RPE: variants seen among roughly 807,000 people sequenced by gnomAD.
RPE encodes the protein ribulose-phosphate 3-epimerase.
RPE carries 16 observed loss-of-function variants against 24.6 expected under a neutral mutation model. The ratio of observed to expected loss-of-function variants is 0.65; its 90% confidence interval spans 0.44 to 0.99. The LOEUF is 0.99. Ranked by LOEUF, RPE falls within the 50% of genes least tolerant of loss-of-function variation. The pLI, the probability that RPE is intolerant of heterozygous loss-of-function variation, is 0.00. For synonymous variants in RPE, 93 were observed against 98.4 expected (o/e 0.94, Z 0.33); for missense variants, 240 against 294.5 (o/e 0.81, Z 1.35).
Position 210,002,802 on chromosome 2 carries a change from G to T in RPE, c.122+19G>T, listed in dbSNP as rs772785306. The T allele has an allele frequency of 6.2e-7, 1 of 1,614,084 alleles. No homozygotes were observed. Among genetic ancestry groups the T allele is most frequent in the Non-Finnish European group, 8.5e-7 (1 of 1,179,998 alleles). ...TGGACGGGTAACTCCTCCGGGCTCC[G>T]GTCGGGCTTGCCGCGCGGCGGGGCG... On this transcript the variant is annotated intron_variant, in intron 1 of 5. Coordinates refer to ENST00000359429, the MANE Select transcript of RPE (RefSeq NM_199229.3).
In RPE at chr2:210,019,803, G is replaced by A. The variant is rs760155889; in HGVS notation, c.*12G>A. On this transcript the variant is annotated 3_prime_UTR_variant, in exon 6 of 6. Transcript: ENST00000359429. Reference sequence around the variant, plus strand: ...CTCTTGATCGGTGAAACCATAAGGAGCCCAGTGTTCCTGTTCATGAAATCT... The same window carrying A: ...CTCTTGATCGGTGAAACCATAAGGAACCCAGTGTTCCTGTTCATGAAATCT... 1 of 1,609,266 alleles carries A rather than the reference G, an allele frequency of 6.2e-7. No individual in the cohort carries two copies. Among genetic ancestry groups the A allele is most frequent in the Non-Finnish European group, 8.5e-7 (1 of 1,177,518 alleles).
chr2:210,014,122 C>G (rs368766609), intron 2 of RPE, among the ~76,000 whole-genome samples: 3 of 151,392 alleles, frequency 2.0e-5, no homozygotes, highest in African/African-American at 7.3e-5. Context: ...GATGGAGTCT[C>G]GCTCTGTCGC....
At chr2:210,002,926 G>T in intron 1 of RPE, 143 bp downstream of exon 1, 1 of 1,500,006 alleles carries the variant, frequency 6.7e-7, no homozygotes. Flanking sequence ...TGTGGGGTAG[G>T]AGCCCTGGAG....
intron 2 of RPE, among the ~76,000 whole-genome samples, chr2:210,010,687 A>G (rs1286631309): frequency 6.6e-6 from 1 of 152,208 alleles, no homozygotes; most frequent in Non-Finnish European, 1.5e-5. Flanking sequence ...AGCCACATGT[A>G]GCTATTAAAA....
At chr2:210,018,739 C>T (rs962701653) in intron 5 of RPE, 1 of 979,390 alleles carries the variant, frequency 1.0e-6, no homozygotes, top group Non-Finnish European at 1.2e-6. Flanking sequence ...TGTGAAAAAT[C>T]AGACCTTGGC....
chr2:210,013,510 T>G (rs1256026519), intron 2 of RPE, among the ~76,000 whole-genome samples: 2 of 152,022 alleles, frequency 1.3e-5, no homozygotes, highest in Non-Finnish European at 2.9e-5. Context: ...AGAAGGAGTC[T>G]TACTATGTTG....
In RPE at chr2:210,016,318, T is replaced by C. The variant is rs908586366; in HGVS notation, c.343-189T>C. ...CTATGATGCCAGGATTTAACTTCTT[T>C]GTCACATAGCATTTATGTATTCCAC... On this transcript the variant is annotated intron_variant, in intron 3 of 5. Coordinates refer to ENST00000359429, the MANE Select transcript of RPE (RefSeq NM_199229.3). 7.5e-6 allele frequency: 12 copies of C among 1,593,726 alleles called. No individual in the cohort carries two copies. In the Admixed American group the frequency reaches 1.8e-4, roughly 24 times the overall value.
chr2:210,004,727 C>G (rs964383802), intron 1 of RPE, among the ~76,000 whole-genome samples: 5 of 152,064 alleles, frequency 3.3e-5, no homozygotes, highest in South Asian at 2.1e-4. Context: ...GGAAAAGCAC[C>G]ATAAGGTGCT....
intron 5 of RPE, chr2:210,018,362 T>A: frequency 7.2e-7 from 1 of 1,388,828 alleles, no homozygotes; most frequent in East Asian, 2.7e-5. Flanking sequence ...GATACCTCTT[T>A]GGCTATCTGT....
intron 2 of RPE, among the ~76,000 whole-genome samples, chr2:210,010,201 A>G (rs1337872656): frequency 1.3e-5 from 2 of 152,226 alleles, no homozygotes; most frequent in Non-Finnish European, 2.9e-5. Flanking sequence ...AAGTGAATTT[A>G]TGAATCAGTT....
intron 1 of RPE, among the ~76,000 whole-genome samples, chr2:210,005,647 T>C (rs1176878088): frequency 6.6e-6 from 1 of 151,352 alleles, no homozygotes; most frequent in Non-Finnish European, 1.5e-5. Flanking sequence ...AAAAAAACAG[T>C]TCAAAGACTT....
At position 210,007,749 on chromosome 2, in the gene RPE, G is replaced by A. The variant is rs557983519; in HGVS notation, c.123-1908G>A. ...TTATGTATGTTTTATCTATAATCAC[G>A]TTACCTGCCTGTTATTGTATAGCTT... On this transcript the variant is annotated intron_variant, in intron 1 of 5. Transcript: ENST00000359429. Among the ~76,000 whole-genome samples, 8 of 152,102 alleles carry A rather than the reference G, an allele frequency of 5.3e-5. No individual in the cohort carries two copies. The South Asian group carries it at 1.0e-3, about 20-fold the overall frequency.
intron 2 of RPE, among the ~76,000 whole-genome samples, chr2:210,012,330 C>T (rs1411040368): frequency 1.3e-5 from 2 of 152,200 alleles, no homozygotes; most frequent in Non-Finnish European, 2.9e-5. Context: ...GGTACAAAAA[C>T]ATTGATGAGT....
At chr2:210,009,518 ATTAT>A in intron 1 of RPE, 135 bp from the exon 2 acceptor site, 1 of 1,126,086 alleles carries the variant, frequency 8.9e-7, no homozygotes, top group Non-Finnish European at 1.3e-6. Context: ...TATTTTTAGT[ATTAT>A]TTAATACTGA....
chr2:210,004,468 G>A (rs921394999), intron 1 of RPE, among the ~76,000 whole-genome samples: 1 of 152,196 alleles, frequency 6.6e-6, no homozygotes, highest in African/African-American at 2.4e-5. Flanking sequence ...CTAGGAAATG[G>A]TGGAGCCAGG....
intron 2 of RPE, among the ~76,000 whole-genome samples, chr2:210,010,845 G>A (rs952909212): frequency 2.1e-4 from 32 of 152,212 alleles, no homozygotes; most frequent in African/African-American, 6.5e-4. Flanking sequence ...TTGAACCTGG[G>A]AGGTGGAGAT....
Position 210,020,937 on chromosome 2 carries a change from G to A in RPE, c.*1146G>A, listed in dbSNP as rs1384174216. ...TTGGGAGGTGGGTTAGGTAAAAGAA[G>A]CTTTTTACTTAACGTTGTCTTATTT... On this transcript the variant is annotated 3_prime_UTR_variant, in exon 6 of 6. Coordinates refer to ENST00000359429, the MANE Select transcript of RPE (RefSeq NM_199229.3). 1 of 152,358 alleles carries A rather than the reference G, an allele frequency of 6.6e-6. No homozygotes were observed. The highest frequency in any genetic ancestry group is 6.6e-5 in the Admixed American group (1 of 15,266). 9.4% of individuals were successfully genotyped at this position (152,358 alleles called of 1,614,324 possible).
Position 210,015,827 on chromosome 2 carries a change from A to G in RPE, c.203-146A>G, listed in dbSNP as rs2093763607. The G allele has an allele frequency of 4.1e-6, 3 of 732,768 alleles. No homozygotes were observed. The Admixed American group carries it at 9.1e-5, about 22-fold the overall frequency. 45.4% of individuals were successfully genotyped at this position (732,768 alleles called of 1,614,324 possible). A position where few individuals can be genotyped will look rare whatever the true frequency, so the allele number is the denominator to read the frequency against. On this transcript the variant is annotated intron_variant, in intron 2 of 5. Coordinates refer to ENST00000359429, the MANE Select transcript of RPE (RefSeq NM_199229.3). ...TCTTCAAAATAAGAGGAAACTACCT[A>G]TACTGAATTAGAACTATTTAAATAA...
chr2:210,018,120 T>C, intron 5 of RPE: 1 of 1,511,900 alleles, frequency 6.6e-7, no homozygotes, highest in Non-Finnish European at 8.8e-7. Flanking sequence ...CTGAAGAAAG[T>C]TCTTTTTTAT....
Sources: gnomAD v4.1 joint callset for allele counts (sites outside exome capture counted in the v4.1 genomes callset) on GRCh38, gnomAD v4.1.1 for gene constraint, MANE v1.5 for transcripts, NCBI Gene and HGNC (gene_info 2026-07-23, HGNC 2026-07-21) for gene names.